Variants in ROBO1 observed in about 807,000 individuals in gnomAD.
ROBO1 encodes roundabout homolog 1.
In ROBO1, 149 loss-of-function variants were observed where a neutral mutation model predicts 195.9. That is an observed-to-expected ratio of 0.76 (90% confidence interval 0.67 to 0.87). The LOEUF is 0.87. Among genes scored for constraint, ROBO1 ranks in the 40% least tolerant of loss-of-function variants. The pLI is 0.00. For synonymous variants in ROBO1, 816 were observed against 733.2 expected (o/e 1.11, Z -1.82); for missense variants, 1,933 against 2,068.3 (o/e 0.93, Z 1.27).
intron 1 of ROBO1, among the ~76,000 whole-genome samples, chr3:79,679,983 T>C (rs1946896426): frequency 6.6e-6 from 1 of 151,994 alleles, no homozygotes; most frequent in Non-Finnish European, 1.5e-5. Flanking sequence ...CAGCTCAGCA[T>C]AGATTATGCT....
At chr3:79,712,453 T>G (rs973117417) in intron 1 of ROBO1, among the ~76,000 whole-genome samples, 1 of 152,048 alleles carries the variant, frequency 6.6e-6, no homozygotes, top group African/African-American at 2.4e-5. Context: ...TCTCTCCAAT[T>G]CTATGAAGTC....
intron 3 of ROBO1, among the ~76,000 whole-genome samples, chr3:78,992,291 C>A: frequency 6.6e-6 from 1 of 150,680 alleles, no homozygotes; most frequent in Non-Finnish European, 1.5e-5. Context: ...CCAACCTCCA[C>A]ATGTCATTTC....
chr3:79,072,146 G>T (rs888967304), intron 3 of ROBO1, among the ~76,000 whole-genome samples: 4 of 151,730 alleles, frequency 2.6e-5, no homozygotes, highest in African/African-American at 9.7e-5. Context: ...GACATACTCA[G>T]TCTTTAATTA....
chr3:78,860,333 T>A (rs1335651579), intron 4 of ROBO1, among the ~76,000 whole-genome samples: 25 of 144,118 alleles, frequency 1.7e-4, no homozygotes, highest in African/African-American at 5.6e-4. Context: ...TATATTTTTT[T>A]TTTTTTACTC....
intron 4 of ROBO1, among the ~76,000 whole-genome samples, chr3:78,891,913 A>G (rs1012504522): frequency 6.6e-6 from 1 of 152,236 alleles, no homozygotes; most frequent in Non-Finnish European, 1.5e-5. Context: ...AGATGTCTAA[A>G]CAGTGGTTGC....
At chr3:79,531,471 C>T (rs1941659381) in intron 2 of ROBO1, among the ~76,000 whole-genome samples, 1 of 151,834 alleles carries the variant, frequency 6.6e-6, no homozygotes, top group Non-Finnish European at 1.5e-5. Context: ...AAAATACAAA[C>T]AATTAACCAG....
chr3:79,638,454 G>A (rs1047261617), intron 1 of ROBO1, among the ~76,000 whole-genome samples: 2 of 152,000 alleles, frequency 1.3e-5, no homozygotes, highest in Middle Eastern at 3.2e-3. Flanking sequence ...GCAGTGGCAC[G>A]ATCTCGGCTC....
chr3:78,935,161 T>G (rs2039736800), intron 4 of ROBO1, among the ~76,000 whole-genome samples: 2 of 152,190 alleles, frequency 1.3e-5, no homozygotes, highest in South Asian at 4.1e-4. Flanking sequence ...AGCACTCCAG[T>G]TAGTAAAATC....
chr3:79,423,001 C>T (rs1170834190), intron 2 of ROBO1, among the ~76,000 whole-genome samples: 1 of 152,000 alleles, frequency 6.6e-6, no homozygotes, highest in East Asian at 1.9e-4. Context: ...AAAAAACCAC[C>T]TGGTTGTGCT....
intron 1 of ROBO1, among the ~76,000 whole-genome samples, chr3:79,592,704 T>G (rs906306600): frequency 9.9e-5 from 15 of 152,148 alleles, no homozygotes; most frequent in South Asian, 6.2e-4. Flanking sequence ...ACCAGAATGA[T>G]GCATTTGTTA....
At chr3:78,674,917 G>A (rs1369570760) in intron 10 of ROBO1, among the ~76,000 whole-genome samples, 1 of 151,858 alleles carries the variant, frequency 6.6e-6, no homozygotes, top group Non-Finnish European at 1.5e-5. Context: ...CTATATATTG[G>A]TTATAGTAGT....
In ROBO1 at chr3:78,673,507, AAAT is replaced by A. The variant is rs1353830376; in HGVS notation, c.1343-3209_1343-3207del. On this transcript the variant is annotated intron_variant, in intron 10 of 30. Transcript: ENST00000464233. The stretch of plus-strand genomic sequence containing the variant: ...ATAATATAAATATATAAAATATATA[AAAT>A]AATATATAATATATATAAATATATA... 2.1e-5 allele frequency among the ~76,000 whole-genome samples: 3 copies of A among 140,176 alleles called. No homozygotes were observed. The East Asian group carries it at 6.0e-4, about 28-fold the overall frequency. The allele number at this position is 140,176 out of a possible 152,430, so 92.0% of individuals were successfully genotyped here. A position where few individuals can be genotyped will look rare whatever the true frequency, so the allele number is the denominator to read the frequency against.
chr3:78,627,155 C>T (rs1704848968), intron 26 of ROBO1, among the ~76,000 whole-genome samples, 166 bp downstream of exon 26: 1 of 152,148 alleles, frequency 6.6e-6, no homozygotes, highest in Non-Finnish European at 1.5e-5. Context: ...ATGCAATGGT[C>T]AACAATATGA....
chr3:79,661,853 G>A (rs960043726), intron 1 of ROBO1, among the ~76,000 whole-genome samples: 15 of 151,994 alleles, frequency 9.9e-5, no homozygotes, highest in African/African-American at 3.6e-4. Flanking sequence ...AGGGAATGTA[G>A]CAAATACTCC....
chr3:78,681,612 G>C (rs1575921861), intron 10 of ROBO1, among the ~76,000 whole-genome samples: 1 of 152,274 alleles, frequency 6.6e-6, no homozygotes, highest in East Asian at 1.9e-4. Context: ...GAAGACTTAA[G>C]ACGGAGAAGC....
At chr3:79,522,384 G>T (rs1313781751) in intron 2 of ROBO1, among the ~76,000 whole-genome samples, 1 of 149,758 alleles carries the variant, frequency 6.7e-6, no homozygotes, top group Non-Finnish European at 1.5e-5. Flanking sequence ...CAACTGGCAA[G>T]CTTCTATTTT....
At chr3:78,958,885 C>T (rs1008169929) in intron 3 of ROBO1, among the ~76,000 whole-genome samples, 2 of 145,346 alleles carry the variant, frequency 1.4e-5, no homozygotes, top group African/African-American at 2.6e-5. Context: ...AGTGCAGTGG[C>T]GTGATCTTGG....
intron 10 of ROBO1, among the ~76,000 whole-genome samples, chr3:78,680,087 T>C (rs1187499876): frequency 6.6e-6 from 1 of 152,160 alleles, no homozygotes; most frequent in Admixed American, 6.5e-5. Context: ...GGGGAAAGGA[T>C]TCCCTATTTA....
intron 1 of ROBO1, among the ~76,000 whole-genome samples, chr3:79,721,284 T>G (rs1292026977): frequency 1.3e-5 from 2 of 152,224 alleles, no homozygotes; most frequent in Non-Finnish European, 2.9e-5. Flanking sequence ...CATAAACATT[T>G]CTTTTTAAAT....
Sources: allele counts gnomAD v4.1 joint callset (sites outside exome capture counted in the v4.1 genomes callset), GRCh38; gene constraint gnomAD v4.1.1; transcripts MANE v1.5; gene names NCBI Gene and HGNC (gene_info 2026-07-23, HGNC 2026-07-21).